LOXL2: variants seen among roughly 807,000 people sequenced by gnomAD.
LOXL2 encodes the protein lysyl oxidase homolog 2.
A neutral mutation model predicts 93.0 loss-of-function variants in LOXL2; 70 were observed. The observed-to-expected ratio is 0.75, with a 90% CI of 0.62 to 0.92. The LOEUF is 0.92. LOXL2 is among the 40% of genes least tolerant of loss of function. LOXL2 has a pLI of 0.00. For missense variants in LOXL2, 973 were observed against 1,054.9 expected, an observed-to-expected ratio of 0.92 and a Z score of 1.08; for synonymous variants, 438 against 413.2, an observed-to-expected ratio of 1.06 and a Z score of -0.73.
At chr8:23,337,184 C>T (rs1803807648) in intron 4 of LOXL2, 1 of 152,212 alleles carries the variant, frequency 6.6e-6, no homozygotes, top group African/African-American at 2.4e-5. Context: ...CTGATTTCTG[C>T]TTTGACTCCA....
chr8:23,302,416 C>T (rs1327921465), intron 11 of LOXL2, among the ~76,000 whole-genome samples: 1 of 152,164 alleles, frequency 6.6e-6, no homozygotes. Flanking sequence ...CTGATCCACC[C>T]TGGCCTTTCT....
intron 1 of LOXL2, among the ~76,000 whole-genome samples, chr8:23,374,936 G>C (rs1004317913): frequency 7.9e-5 from 12 of 152,138 alleles, no homozygotes; most frequent in African/African-American, 2.9e-4. Flanking sequence ...CTGTGCAGAA[G>C]CTCTTTAGTT....
intron 6 of LOXL2, among the ~76,000 whole-genome samples, chr8:23,327,029 G>A (rs184196838): frequency 5.3e-5 from 8 of 152,324 alleles, no homozygotes; most frequent in Middle Eastern, 3.4e-3. Flanking sequence ...TGAATGGGGT[G>A]ACCTCAGACT....
chr8:23,319,507 G>C (rs1803458632), intron 8 of LOXL2, among the ~76,000 whole-genome samples: 1 of 152,160 alleles, frequency 6.6e-6, no homozygotes, highest in Non-Finnish European at 1.5e-5. Context: ...TTGAGCCTTG[G>C]GCTGGGGGTC....
chr8:23,307,571 G>C (rs1355026958), intron 10 of LOXL2, among the ~76,000 whole-genome samples: 1 of 152,186 alleles, frequency 6.6e-6, no homozygotes, highest in Non-Finnish European at 1.5e-5. Flanking sequence ...TGGAGCGTAA[G>C]TGTATGGCAC....
chr8:23,338,940 T>C (rs554864349), intron 4 of LOXL2, among the ~76,000 whole-genome samples: 1 of 152,210 alleles, frequency 6.6e-6, no homozygotes, highest in Non-Finnish European at 1.5e-5. Flanking sequence ...CAGGCTCTGC[T>C]GGGTGTGGGC....
rs957501618 is a variant in LOXL2 at position 23,368,333 on chromosome 8, A to G, written c.19T>C (p.Ser7Pro). Residue 7 changes from serine (S) to proline (P), a missense_variant, in exon 2 of 14, where the codon TCC (serine) becomes CCC (proline). By Grantham distance (74) the Ser-to-Pro change is moderately conservative. Coordinates refer to ENST00000389131, the MANE Select transcript of LOXL2 (RefSeq NM_002318.3). MERPLCSHLCSCLAMLA... is the reference protein window; with the variant it reads MERPLCPHLCSCLAMLA... Reference sequence around the variant, plus strand: ...ATAGCCAGGCAGCTGCAGAGGTGGGAGCACAGAGGCCTCTCCATCCCTGTC... The same window carrying G: ...ATAGCCAGGCAGCTGCAGAGGTGGGGGCACAGAGGCCTCTCCATCCCTGTC... 1 of 1,612,160 alleles carries G rather than the reference A, an allele frequency of 6.2e-7. No homozygotes were observed. Among genetic ancestry groups the G allele is most frequent in the Non-Finnish European group, 8.5e-7 (1 of 1,180,004 alleles).
At chr8:23,334,490 A>C (rs1024892101) in intron 4 of LOXL2, among the ~76,000 whole-genome samples, 1 of 152,230 alleles carries the variant, frequency 6.6e-6, no homozygotes, top group African/African-American at 2.4e-5. Context: ...ATCAAAGTAC[A>C]ATCTGCCTAG....
intron 5 of LOXL2, chr8:23,328,806 T>C (rs1803630511): frequency 4.1e-6 from 2 of 489,974 alleles, no homozygotes; most frequent in Admixed American, 3.3e-5. Context: ...GCAAGCTCCC[T>C]TTGCAGCCCT....
intron 9 of LOXL2, among the ~76,000 whole-genome samples, chr8:23,311,546 A>G (rs918306659): frequency 2.0e-5 from 3 of 152,214 alleles, no homozygotes; most frequent in Non-Finnish European, 4.4e-5. Context: ...CCAGCTCGCA[A>G]GGCGAGGGAT....
chr8:23,328,650 C>T, intron 5 of LOXL2, 85 bp from the exon 6 acceptor site: 1 of 1,322,434 alleles, frequency 7.6e-7, no homozygotes, highest in Non-Finnish European at 1.1e-6. Context: ...CCCTTCCCTG[C>T]CACCCTGTTC....
At chr8:23,299,503 A>G (rs1585339180) in intron 12 of LOXL2, among the ~76,000 whole-genome samples, 1 of 151,264 alleles carries the variant, frequency 6.6e-6, no homozygotes, top group Admixed American at 6.6e-5. Context: ...GAGAAGTTGC[A>G]CCCTCTCCCC....
At chr8:23,346,160 AAAT>A (rs1803978401) in intron 3 of LOXL2, among the ~76,000 whole-genome samples, 1 of 103,178 alleles carries the variant, frequency 9.7e-6, no homozygotes, top group African/African-American at 4.1e-5. Context: ...ATAAAATAAA[AAAT>A]AAAATAAAAT....
rs767616969 is a variant in LOXL2 at position 23,341,067 on chromosome 8, G to A, written c.668C>T (p.Thr223Met). The A allele has an allele frequency of 2.7e-5, 43 of 1,613,998 alleles. No homozygotes were observed. Among genetic ancestry groups the A allele is most frequent in the Middle Eastern group, 1.7e-4 (1 of 6,056 alleles). ...GCAGACCACGCGGGAATTCTTGGCC[G>A]TCCAGTGCTTGTCACAGATCTGCTT... ...TWKQICDKHWTAKNSRVVCGM... is the reference protein window; with the variant it reads ...TWKQICDKHWMAKNSRVVCGM... The change falls in exon 4 of 14, where the codon ACG (threonine) becomes ATG (methionine). Residue 223 changes from threonine to methionine, a missense_variant. Thr to Met is a moderately conservative substitution (Grantham distance 81, BLOSUM62 -1). Coordinates refer to ENST00000389131, the MANE Select transcript of LOXL2 (RefSeq NM_002318.3).
At chr8:23,302,247 C>A in intron 11 of LOXL2, 84 bp from the exon 12 acceptor site, 1 of 1,559,524 alleles carries the variant, frequency 6.4e-7, no homozygotes, top group Admixed American at 1.7e-5. Context: ...AGGCCCCTAC[C>A]GCTGCTTCAT....
chr8:23,328,709 A>ATG (rs60768341), intron 5 of LOXL2, 144 bp from the exon 6 acceptor site: 39,481 of 453,788 alleles, frequency 0.087, 331 homozygotes, highest in African/African-American at 0.099. Flanking sequence ...TGATGTATGG[A>ATG]TGTGTGTGTG....
intron 3 of LOXL2, among the ~76,000 whole-genome samples, chr8:23,354,584 T>TTC (rs201272884): frequency 1.2e-4 from 15 of 124,676 alleles, no homozygotes; most frequent in Admixed American, 7.5e-4. Context: ...TTGGCATCCC[T>TTC]TCTCTGTGTG....
Position 23,302,175 on chromosome 8 carries a change from G to C in LOXL2, c.1997-12C>G, listed in dbSNP as rs1317744458. 1.2e-6 allele frequency: 2 copies of C among 1,613,836 alleles called. No individual in the cohort carries two copies. The highest frequency in any genetic ancestry group is 4.5e-5 in the East Asian group (2 of 44,880). On this transcript the variant is annotated splice_polypyrimidine_tract_variant and intron_variant, in intron 11 of 13. Coordinates refer to ENST00000389131, the MANE Select transcript of LOXL2 (RefSeq NM_002318.3). ...ATTCTTCTGGATGTCTGCGGGCAGG[G>C]TAGAGGAGAGCTCATCACCAGGGAA...
rs1195701510 is a variant in LOXL2, at chr8:23,297,379, C to G, written c.*664G>C. The G allele has an allele frequency of 1.3e-5, 2 of 152,166 alleles. No individual in the cohort carries two copies. Among genetic ancestry groups the G allele is most frequent in the Middle Eastern group, 3.4e-3 (1 of 292 alleles). 9.4% of individuals were successfully genotyped at this position (152,166 alleles called of 1,614,324 possible). On this transcript the variant is annotated 3_prime_UTR_variant, in exon 14 of 14. Coordinates refer to ENST00000389131, the MANE Select transcript of LOXL2 (RefSeq NM_002318.3). ...TCCTTAGATTTGTACTTCCAAGGGC[C>G]CAGATGTCCAATATTAAATGCCAAT... is the stretch of plus-strand genomic sequence containing the variant.
Sources: allele counts gnomAD v4.1 joint callset (sites outside exome capture counted in the v4.1 genomes callset), GRCh38; gene constraint gnomAD v4.1.1; transcripts MANE v1.5; gene names NCBI Gene and HGNC (gene_info 2026-07-23, HGNC 2026-07-21).